Variants in PAK5 observed in about 807,000 individuals in gnomAD.
PAK5 encodes p21 (RAC1) activated kinase 5, also known as serine/threonine-protein kinase PAK 5.
In PAK5, 16 loss-of-function variants were observed where a neutral mutation model predicts 65.9. The observed-to-expected ratio is 0.24, with a 90% CI of 0.16 to 0.37. The LOEUF (loss-of-function observed/expected upper bound fraction) is 0.37. PAK5 is among the 10% of genes least tolerant of loss of function. The probability of loss-of-function intolerance (pLI) is 1.00; values close to 1 mark genes in which losing one functional copy is unlikely to be tolerated. For missense variants in PAK5, 785 were observed against 903.9 expected, an observed-to-expected ratio of 0.87 and a Z score of 1.69; for synonymous variants, 371 against 354.9, an observed-to-expected ratio of 1.05 and a Z score of -0.51.
intron 2 of PAK5, among the ~76,000 whole-genome samples, chr20:9,681,937 T>C (rs1180111109): frequency 6.6e-6 from 1 of 152,198 alleles, no homozygotes; most frequent in Non-Finnish European, 1.5e-5. Flanking sequence ...ATAGAGAGTC[T>C]TAGGTTTCCT....
intron 7 of PAK5, among the ~76,000 whole-genome samples, chr20:9,549,741 A>G (rs1320233380): frequency 1.3e-5 from 2 of 152,186 alleles, no homozygotes; most frequent in African/African-American, 4.8e-5. Flanking sequence ...AAATACCTCC[A>G]TAGGTAGTGA....
chr20:9,792,745 T>C (rs2049063026), intron 1 of PAK5, among the ~76,000 whole-genome samples: 1 of 152,118 alleles, frequency 6.6e-6, no homozygotes, highest in Non-Finnish European at 1.5e-5. Flanking sequence ...TACTACATGT[T>C]ATGGTAGTAT....
chr20:9,621,335 T>C (rs1406158117), intron 3 of PAK5, among the ~76,000 whole-genome samples: 1 of 149,270 alleles, frequency 6.7e-6, no homozygotes, highest in East Asian at 2.0e-4. Context: ...TAATAGATGA[T>C]AATTTCCTTG....
At chr20:9,735,926 A>C (rs1600304544) in intron 1 of PAK5, among the ~76,000 whole-genome samples, 1 of 138,580 alleles carries the variant, frequency 7.2e-6, no homozygotes, top group Non-Finnish European at 1.5e-5. Context: ...TTTGAGATGG[A>C]GTTTTGCTCT....
chr20:9,657,574 C>T (rs1189183090), intron 2 of PAK5, among the ~76,000 whole-genome samples: 1 of 151,948 alleles, frequency 6.6e-6, no homozygotes, highest in South Asian at 2.1e-4. Context: ...TTAGTTTTAC[C>T]TCTTTTGTGT....
chr20:9,684,308 G>A (rs2047689260), intron 2 of PAK5, among the ~76,000 whole-genome samples: 1 of 152,186 alleles, frequency 6.6e-6, no homozygotes, highest in African/African-American at 2.4e-5. Flanking sequence ...TATGGTTCCA[G>A]GATGCACACT....
At chr20:9,552,861 C>T (rs985543298) in intron 7 of PAK5, among the ~76,000 whole-genome samples, 6 of 151,820 alleles carry the variant, frequency 4.0e-5, no homozygotes, top group African/African-American at 1.5e-4. Context: ...GCTAGGACTA[C>T]AGACAAATGC....
At chr20:9,550,483 T>C (rs1384768871) in intron 7 of PAK5, among the ~76,000 whole-genome samples, 1 of 152,044 alleles carries the variant, frequency 6.6e-6, no homozygotes, top group African/African-American at 2.4e-5. Flanking sequence ...CACTCCATCT[T>C]GGGAATAAGT....
Position 9,626,480 on chromosome 20 carries a change from G to A in PAK5, c.204+17645C>T, listed in dbSNP as rs188711781. On this transcript the variant is annotated intron_variant, in intron 3 of 9. Coordinates refer to ENST00000353224, the MANE Select transcript of PAK5 (RefSeq NM_177990.4). ...CTTTCAACATTAGATTGCACTACAT[G>A]TATTTTGATGACATCAAATGTAAAG... 2.7e-4 allele frequency among the ~76,000 whole-genome samples: 41 copies of A among 152,316 alleles called. No homozygotes were observed. In the East Asian group the frequency reaches 7.7e-3, roughly 29 times the overall value.
At chr20:9,651,411 G>A (rs901944034) in intron 2 of PAK5, among the ~76,000 whole-genome samples, 1 of 152,180 alleles carries the variant, frequency 6.6e-6, no homozygotes, top group African/African-American at 2.4e-5. Context: ...TGGACACGCA[G>A]AGGTAGAGGA....
At chr20:9,768,777 C>A (rs79920352) in intron 1 of PAK5, among the ~76,000 whole-genome samples, 1 of 110,962 alleles carries the variant, frequency 9.0e-6, no homozygotes, top group Non-Finnish European at 1.7e-5. Flanking sequence ...AGCAACAGAG[C>A]GAGACTCCAT....
intron 1 of PAK5, among the ~76,000 whole-genome samples, chr20:9,806,098 G>A (rs1401166176): frequency 6.6e-6 from 1 of 152,082 alleles, no homozygotes; most frequent in African/African-American, 2.4e-5. Flanking sequence ...CCAAGCAGCT[G>A]GGACTACAGG....
chr20:9,539,997 C>A (rs1267510126), intron 9 of PAK5, among the ~76,000 whole-genome samples: 2 of 152,210 alleles, frequency 1.3e-5, no homozygotes, highest in Non-Finnish European at 2.9e-5. Flanking sequence ...CAACTGCAAC[C>A]ACACAGGCTC....
chr20:9,569,401 T>C (rs1441940223), intron 4 of PAK5, among the ~76,000 whole-genome samples: 2 of 152,112 alleles, frequency 1.3e-5, no homozygotes, highest in Non-Finnish European at 2.9e-5. Flanking sequence ...TTAAAAGCCA[T>C]GATACTGAAT....
intron 3 of PAK5, among the ~76,000 whole-genome samples, chr20:9,583,410 T>C (rs900262055): frequency 1.2e-4 from 19 of 152,238 alleles, no homozygotes; most frequent in Non-Finnish European, 2.8e-4. Context: ...GAGAAACAAC[T>C]TTGTCAACTC....
intron 3 of PAK5, among the ~76,000 whole-genome samples, chr20:9,584,703 C>G (rs1249120069): frequency 6.6e-6 from 1 of 152,196 alleles, no homozygotes; most frequent in Non-Finnish European, 1.5e-5. Flanking sequence ...TTCTGGCCTC[C>G]TTTCCTATTC....
chr20:9,729,234 C>CA (rs368174329), intron 1 of PAK5, among the ~76,000 whole-genome samples: 2,082 of 135,826 alleles, frequency 0.015, 16 homozygotes, highest in Middle Eastern at 0.027. Context: ...AACTCCATCT[C>CA]AAAAAAAAAA....
At chr20:9,833,426 AC>A (rs1237950363) in intron 1 of PAK5, among the ~76,000 whole-genome samples, 1 of 147,378 alleles carries the variant, frequency 6.8e-6, no homozygotes, top group Non-Finnish European at 1.5e-5. Flanking sequence ...ACCTACCTTC[AC>A]CCCCCAACCA....
At chr20:9,648,272 G>A (rs1163073870) in intron 2 of PAK5, among the ~76,000 whole-genome samples, 1 of 152,190 alleles carries the variant, frequency 6.6e-6, no homozygotes, top group African/African-American at 2.4e-5. Context: ...GCTTTCAGAG[G>A]TCTTCTCCTA....
Sources: allele counts gnomAD v4.1 joint callset (sites outside exome capture counted in the v4.1 genomes callset), GRCh38; gene constraint gnomAD v4.1.1; transcripts MANE v1.5; gene names NCBI Gene and HGNC (gene_info 2026-07-23, HGNC 2026-07-21).